ZNRF2: variants seen among roughly 807,000 people sequenced by gnomAD.
ZNRF2 encodes zinc and ring finger 2, also known as E3 ubiquitin-protein ligase ZNRF2.
Under a neutral mutation model 20.4 loss-of-function variants are expected in ZNRF2, and 16 were observed. The observed-to-expected ratio is 0.79, with a 90% CI of 0.53 to 1.19. The LOEUF is 1.19. Among genes scored for constraint, ZNRF2 ranks in the 50% most tolerant of loss-of-function variants. ZNRF2 has a pLI of 0.00. For synonymous variants in ZNRF2, 178 were observed against 144.9 expected (o/e 1.23, Z -1.64); for missense variants, 363 against 332.4 (o/e 1.09, Z -0.72).
intron 1 of ZNRF2, among the ~76,000 whole-genome samples, chr7:30,311,129 G>T (rs1044292710): frequency 2.3e-4 from 35 of 152,110 alleles, no homozygotes; most frequent in African/African-American, 8.2e-4. Context: ...TAAGCCTCCA[G>T]TAAAACCCCG....
intron 1 of ZNRF2, among the ~76,000 whole-genome samples, chr7:30,299,853 C>T (rs1389118066): frequency 6.7e-6 from 1 of 148,446 alleles, no homozygotes; most frequent in Non-Finnish European, 1.5e-5. Flanking sequence ...GGTCTCGGCT[C>T]ACTACGAGCT....
At chr7:30,301,814 AACAG>A (rs1300860700) in intron 1 of ZNRF2, among the ~76,000 whole-genome samples, 2 of 152,154 alleles carry the variant, frequency 1.3e-5, no homozygotes, top group African/African-American at 4.8e-5. Context: ...ATAATATAAG[AACAG>A]ACAATTAGGT....
At chr7:30,319,980 T>C (rs1799441785) in intron 1 of ZNRF2, among the ~76,000 whole-genome samples, 1 of 152,206 alleles carries the variant, frequency 6.6e-6, no homozygotes, top group Non-Finnish European at 1.5e-5. Flanking sequence ...CCTATAGTTG[T>C]TTACACATAT....
rs575849611 is a variant in ZNRF2, at chr7:30,355,523, G to A, written c.566-205G>A. Among the ~76,000 whole-genome samples, 44 of 152,218 alleles carry A rather than the reference G, an allele frequency of 2.9e-4. No homozygotes were observed. The East Asian group carries it at 6.2e-3, about 21-fold the overall frequency. The stretch of plus-strand genomic sequence containing the variant: ...GCTTCAATAAAATAGAAATGAAAAC[G>A]TGAGACAATGGAAGTAAAGGTAAAC... On this transcript the variant is annotated intron_variant, in intron 2 of 4. Coordinates refer to ENST00000323037, the MANE Select transcript of ZNRF2 (RefSeq NM_147128.4).
At chr7:30,324,642 G>A (rs1267766608) in intron 2 of ZNRF2, among the ~76,000 whole-genome samples, 2 of 151,956 alleles carry the variant, frequency 1.3e-5, no homozygotes, top group African/African-American at 4.8e-5. Context: ...TAATCTAAAA[G>A]GATTTCAAAG....
chr7:30,352,105 C>T (rs1390345374), intron 2 of ZNRF2, among the ~76,000 whole-genome samples: 1 of 151,914 alleles, frequency 6.6e-6, no homozygotes, highest in Non-Finnish European at 1.5e-5. Context: ...AGTTTTTTCA[C>T]ACAATTCTTT....
intron 1 of ZNRF2, among the ~76,000 whole-genome samples, chr7:30,298,037 C>A (rs2391855): frequency 1.4e-4 from 21 of 151,860 alleles, no homozygotes; most frequent in African/African-American, 3.9e-4. Flanking sequence ...CTTTTAAAAA[C>A]GTGATCTTAT....
chr7:30,360,869 T>TTA (rs1175059745), intron 3 of ZNRF2, among the ~76,000 whole-genome samples: 1 of 152,100 alleles, frequency 6.6e-6, no homozygotes, highest in Non-Finnish European at 1.5e-5. Context: ...ACATATATAG[T>TTA]TATATAGAGT....
At position 30,299,892 on chromosome 7, in the gene ZNRF2, G is replaced by A. The variant is rs928177307; in HGVS notation, c.469+14066G>A. 1.0e-4 allele frequency among the ~76,000 whole-genome samples: 15 copies of A among 148,798 alleles called. No homozygotes were observed. In the East Asian group the frequency reaches 3.0e-3, roughly 29 times the overall value. ...CCTCCCAAGTTCATGCCATTCTCCT[G>A]CCTCAGCCTCCCAAGTAGCTGGGAC... On this transcript the variant is annotated intron_variant, in intron 1 of 4. Transcript: ENST00000323037.
chr7:30,355,986 T>C (rs987902937), intron 3 of ZNRF2, among the ~76,000 whole-genome samples, 153 bp downstream of exon 3: 3 of 152,200 alleles, frequency 2.0e-5, no homozygotes, highest in Non-Finnish European at 4.4e-5. Flanking sequence ...CTATTTGAAC[T>C]AAGACTTGAA....
chr7:30,344,851 T>C (rs1244038750), intron 2 of ZNRF2, among the ~76,000 whole-genome samples: 5 of 152,240 alleles, frequency 3.3e-5, no homozygotes, highest in African/African-American at 1.2e-4. Flanking sequence ...ACAGTTTAAC[T>C]GGGTATGAAA....
At chr7:30,312,694 A>C (rs1362884663) in intron 1 of ZNRF2, among the ~76,000 whole-genome samples, 3 of 152,184 alleles carry the variant, frequency 2.0e-5, no homozygotes, top group Non-Finnish European at 2.9e-5. Context: ...TTTTTAGTTC[A>C]GTATAATTAT....
At chr7:30,334,324 G>C (rs80280885) in intron 2 of ZNRF2, among the ~76,000 whole-genome samples, 4,579 of 152,166 alleles carry the variant, frequency 0.03, 172 homozygotes, top group African/African-American at 0.089. Context: ...CTTTATTTCA[G>C]AGGTCTCTAG....
chr7:30,319,080 C>T (rs1430888500), intron 1 of ZNRF2, among the ~76,000 whole-genome samples: 1 of 151,758 alleles, frequency 6.6e-6, no homozygotes, highest in Admixed American at 6.6e-5. Flanking sequence ...CCACTTCACT[C>T]CAGCCTGGGT....
intron 3 of ZNRF2, among the ~76,000 whole-genome samples, 184 bp from the exon 4 acceptor site, chr7:30,362,193 T>C (rs1466314777): frequency 6.6e-6 from 1 of 152,206 alleles, no homozygotes; most frequent in Non-Finnish European, 1.5e-5. Context: ...GGTTTTTTTC[T>C]TAATCGCTTA....
At chr7:30,357,875 G>A (rs979214003) in intron 3 of ZNRF2, among the ~76,000 whole-genome samples, 114 of 152,160 alleles carry the variant, frequency 7.5e-4, no homozygotes, top group African/African-American at 2.6e-3. Flanking sequence ...TACAAACTCA[G>A]ATAAGGACAG....
At chr7:30,288,570 G>A (rs954554870) in intron 1 of ZNRF2, among the ~76,000 whole-genome samples, 1 of 152,194 alleles carries the variant, frequency 6.6e-6, no homozygotes, top group African/African-American at 2.4e-5. Context: ...ATGTTTTGAT[G>A]TCATTTGGAC....
chr7:30,364,635 C>T (rs888072555), intron 4 of ZNRF2, among the ~76,000 whole-genome samples: 2 of 152,096 alleles, frequency 1.3e-5, no homozygotes, highest in Admixed American at 6.5e-5. Flanking sequence ...ATGTTTGAGA[C>T]AAAACGAAAC....
intron 1 of ZNRF2, among the ~76,000 whole-genome samples, chr7:30,300,008 TCTC>T: frequency 6.6e-6 from 1 of 152,052 alleles, no homozygotes; most frequent in African/African-American, 2.4e-5. Context: ...ATGGTCTTGA[TCTC>T]CTGACCTCGT....
Sources: allele counts gnomAD v4.1 joint callset (sites outside exome capture counted in the v4.1 genomes callset), GRCh38; gene constraint gnomAD v4.1.1; transcripts MANE v1.5; gene names NCBI Gene and HGNC (gene_info 2026-07-23, HGNC 2026-07-21).